DCC: variants seen among roughly 807,000 people sequenced by gnomAD.
DCC encodes DCC netrin 1 receptor, also known as netrin receptor DCC.
DCC carries 58 observed loss-of-function variants against 172.5 expected under a neutral mutation model. The ratio of observed to expected loss-of-function variants is 0.34; its 90% CI spans 0.27 to 0.42. DCC has a LOEUF of 0.42. Ranked by LOEUF, DCC falls within the 10% of genes least tolerant of loss-of-function variation. The probability of loss-of-function intolerance (pLI) is 1.00; values close to 1 mark genes in which losing one functional copy is unlikely to be tolerated. For synonymous variants in DCC, 709 were observed against 644.5 expected (o/e 1.10, Z -1.52); for missense variants, 1,740 against 1,791.0 (o/e 0.97, Z 0.51).
intron 1 of DCC, among the ~76,000 whole-genome samples, chr18:52,684,807 C>T (rs4939699): frequency 0.41 from 61,741 of 151,910 alleles, 12,929 homozygotes; most frequent in Non-Finnish European, 0.47. Context: ...GTGGCTAATC[C>T]GCTTAAACTA....
chr18:52,378,188 T>A (rs1006279627), intron 1 of DCC, among the ~76,000 whole-genome samples: 1 of 152,106 alleles, frequency 6.6e-6, no homozygotes, highest in African/African-American at 2.4e-5. Context: ...TCATGCTTAT[T>A]TAGGAAAGTG....
intron 2 of DCC, among the ~76,000 whole-genome samples, chr18:52,752,713 A>C (rs1449962960): frequency 6.6e-6 from 1 of 152,102 alleles, no homozygotes; most frequent in East Asian, 1.9e-4. Flanking sequence ...TCTCACTGAA[A>C]CCTTGTGCCC....
chr18:52,638,594 T>C (rs561355506), intron 1 of DCC, among the ~76,000 whole-genome samples: 6 of 152,194 alleles, frequency 3.9e-5, no homozygotes, highest in African/African-American at 1.4e-4. Context: ...GGACATTATA[T>C]AATGGTAAAA....
At chr18:53,443,005 A>G (rs1376036004) in intron 22 of DCC, among the ~76,000 whole-genome samples, 5 of 152,186 alleles carry the variant, frequency 3.3e-5, no homozygotes, top group African/African-American at 9.6e-5. Flanking sequence ...AGCCGTCTCT[A>G]TAACAGAAAA....
chr18:52,776,441 G>A (rs989137443), intron 2 of DCC, among the ~76,000 whole-genome samples: 1 of 152,102 alleles, frequency 6.6e-6, no homozygotes, highest in Non-Finnish European at 1.5e-5. Context: ...TATAAGATCT[G>A]TTCTATTTTT....
At chr18:52,360,068 C>T (rs1984551719) in intron 1 of DCC, among the ~76,000 whole-genome samples, 1 of 152,090 alleles carries the variant, frequency 6.6e-6, no homozygotes, top group African/African-American at 2.4e-5. Flanking sequence ...GTAATTATTA[C>T]ACTATTGCTT....
intron 2 of DCC, among the ~76,000 whole-genome samples, chr18:52,778,855 G>C (rs1040214181): frequency 2.6e-5 from 4 of 152,154 alleles, no homozygotes; most frequent in Non-Finnish European, 5.9e-5. Flanking sequence ...TATGATAGGA[G>C]ATAGGGTTGT....
chr18:52,536,083 G>A (rs1318796599), intron 1 of DCC, among the ~76,000 whole-genome samples: 1 of 152,126 alleles, frequency 6.6e-6, no homozygotes, highest in African/African-American at 2.4e-5. Flanking sequence ...GAACAAAAAA[G>A]CATGGCATTT....
At chr18:53,254,097 C>T (rs1255784033) in intron 12 of DCC, among the ~76,000 whole-genome samples, 5 of 152,024 alleles carry the variant, frequency 3.3e-5, no homozygotes, top group Non-Finnish European at 7.4e-5. Flanking sequence ...CAGGGTTCTG[C>T]CATTGTAAAA....
intron 1 of DCC, among the ~76,000 whole-genome samples, chr18:52,719,277 GA>G (rs2145071936): frequency 1.3e-5 from 2 of 152,206 alleles, no homozygotes; most frequent in East Asian, 1.9e-4. Context: ...GTTCCAGGAG[GA>G]TATAATTTGG....
At chr18:53,305,446 G>A (rs1394216729) in intron 12 of DCC, 132 bp from the exon 13 acceptor site, 2 of 717,632 alleles carry the variant, frequency 2.8e-6, no homozygotes, top group Non-Finnish European at 2.5e-6. Flanking sequence ...AATTTAATTT[G>A]TCTCTAAGTG....
chr18:53,397,052 C>T (rs1295200509), intron 17 of DCC, among the ~76,000 whole-genome samples: 3 of 150,932 alleles, frequency 2.0e-5, no homozygotes, highest in African/African-American at 7.3e-5. Context: ...CATATCTTAC[C>T]TCGGAAAATT....
At chr18:52,815,227 C>T (rs1231397250) in intron 2 of DCC, among the ~76,000 whole-genome samples, 1 of 151,902 alleles carries the variant, frequency 6.6e-6, no homozygotes, top group African/African-American at 2.4e-5. Context: ...GAATTGTGTC[C>T]CCTCAAAATA....
intron 5 of DCC, among the ~76,000 whole-genome samples, chr18:53,056,322 A>T (rs1192600408): frequency 6.6e-6 from 1 of 152,110 alleles, no homozygotes; most frequent in African/African-American, 2.4e-5. Flanking sequence ...CCTATGATCC[A>T]GTCATCTCCC....
At chr18:52,578,001 C>T (rs1299267531) in intron 1 of DCC, among the ~76,000 whole-genome samples, 2 of 152,108 alleles carry the variant, frequency 1.3e-5, no homozygotes, top group Admixed American at 1.3e-4. Flanking sequence ...TCATTACAGC[C>T]CTAACTATCA....
At position 53,532,871 on chromosome 18, in the gene DCC, T is replaced by G. The variant is rs1222318972; in HGVS notation, c.*2218T>G. On this transcript the variant is annotated 3_prime_UTR_variant, in exon 29 of 29. Transcript: ENST00000442544. ...TTCACAAATTTCTAGATCCTTCTAG[T>G]CAAAAATAATTATTTAGGAAATAAA... is the stretch of plus-strand genomic sequence containing the variant. The G allele has an allele frequency of 6.6e-6, 1 of 151,982 alleles. No homozygotes were observed. The highest frequency in any genetic ancestry group is 1.5e-5 in the Non-Finnish European group (1 of 67,990). The allele number at this position is 151,982 out of a possible 1,614,324, so 9.4% of individuals were successfully genotyped here.
intron 1 of DCC, among the ~76,000 whole-genome samples, chr18:52,517,551 G>A (rs2031681231): frequency 6.6e-6 from 1 of 152,188 alleles, no homozygotes; most frequent in Non-Finnish European, 1.5e-5. Context: ...GTACCAAATA[G>A]CAACTCCTTA....
chr18:53,379,384 G>A (rs1907549401), intron 15 of DCC, among the ~76,000 whole-genome samples: 1 of 152,216 alleles, frequency 6.6e-6, no homozygotes, highest in Non-Finnish European at 1.5e-5. Flanking sequence ...CATGCCACTG[G>A]CATTTAATTC....
chr18:52,952,722 G>A (rs889234826), intron 5 of DCC, among the ~76,000 whole-genome samples: 1 of 151,990 alleles, frequency 6.6e-6, no homozygotes, highest in South Asian at 2.1e-4. Context: ...ATAATAGGCT[G>A]GGCATGGTTG....
Sources: allele counts gnomAD v4.1 joint callset (sites outside exome capture counted in the v4.1 genomes callset), GRCh38; gene constraint gnomAD v4.1.1; transcripts MANE v1.5; gene names NCBI Gene and HGNC (gene_info 2026-07-23, HGNC 2026-07-21).